Variants in AKIRIN2 observed in about 807,000 individuals in gnomAD.
AKIRIN2 encodes the protein akirin 2.
AKIRIN2 carries 6 observed loss-of-function variants against 29.3 expected under a neutral mutation model. The ratio of observed to expected loss-of-function variants is 0.20; its 90% CI spans 0.11 to 0.40. The LOEUF (loss-of-function observed/expected upper bound fraction) is 0.40. Ranked by LOEUF, AKIRIN2 falls within the 10% of genes least tolerant of loss-of-function variation. AKIRIN2 has a pLI of 1.00. For missense variants in AKIRIN2, 210 were observed against 276.1 expected, an observed-to-expected ratio of 0.76 and a Z score of 1.70; for synonymous variants, 128 against 117.5, an observed-to-expected ratio of 1.09 and a Z score of -0.58.
rs538178654 is a variant in AKIRIN2, at chr6:87,678,327, GC to G, written c.380-361del. On this transcript the variant is annotated intron_variant, in intron 2 of 4. Coordinates refer to ENST00000257787, the MANE Select transcript of AKIRIN2 (RefSeq NM_018064.4). Reference sequence around the variant, plus strand: ...AGCCTGGCCAACATGGTGAAACCCTGCCTCTACTAAAAATACATAAAAAAAT... The same window carrying G: ...AGCCTGGCCAACATGGTGAAACCCTGCTCTACTAAAAATACATAAAAAAAT... 6.2e-3 allele frequency among the ~76,000 whole-genome samples: 859 copies of G among 139,142 alleles called. 9 individuals are homozygous for G. Among genetic ancestry groups the G allele is most frequent in the African/African-American group, 0.023 (795 of 35,104 alleles). 91.3% of individuals were successfully genotyped at this position (139,142 alleles called of 152,430 possible). A position where few individuals can be genotyped will look rare whatever the true frequency, so the allele number is the denominator to read the frequency against.
chr6:87,679,998 C>G (rs1167420418), intron 2 of AKIRIN2, among the ~76,000 whole-genome samples: 1 of 152,210 alleles, frequency 6.6e-6, no homozygotes, highest in African/African-American at 2.4e-5. Context: ...GTGCATACCA[C>G]AATAACAAAG....
Position 87,675,587 on chromosome 6 carries a change from G to A in AKIRIN2, c.*10C>T, listed in dbSNP as rs762106719. 1 of 1,614,016 alleles carries A rather than the reference G, an allele frequency of 6.2e-7. No homozygotes were observed. The highest frequency in any genetic ancestry group is 1.7e-5 in the Admixed American group (1 of 60,006). The stretch of plus-strand genomic sequence containing the variant: ...GGAACAAGGCAGCCCACAAATGCAG[G>A]ATACGTGATTCATGAAACATCTAAA... On this transcript the variant is annotated 3_prime_UTR_variant, in exon 5 of 5. Transcript: ENST00000257787.
chr6:87,701,036 A>G (rs1039364813), intron 1 of AKIRIN2, among the ~76,000 whole-genome samples: 1 of 150,520 alleles, frequency 6.6e-6, no homozygotes, highest in Non-Finnish European at 1.5e-5. Flanking sequence ...AATAGCTGCA[A>G]CCAATCGATT....
At position 87,702,018 on chromosome 6, in the gene AKIRIN2, T is replaced by C. The variant is rs546467417; in HGVS notation, c.-334A>G. 7 of 404,082 alleles carry C rather than the reference T, an allele frequency of 1.7e-5. No individual in the cohort carries two copies. In the South Asian group the frequency reaches 6.4e-4, roughly 37 times the overall value. 25.0% of individuals were successfully genotyped at this position (404,082 alleles called of 1,614,324 possible). On this transcript the variant is annotated 5_prime_UTR_variant, in exon 1 of 5. Coordinates refer to ENST00000257787, the MANE Select transcript of AKIRIN2 (RefSeq NM_018064.4). ...GCCGCCCCCGCCGTCCGCTCGAGCT[T>C]TGCGCCGCGCCTGAGGCGCTTCTGT...
intron 1 of AKIRIN2, among the ~76,000 whole-genome samples, chr6:87,686,800 C>T (rs1262611933): frequency 2.6e-5 from 4 of 152,050 alleles, no homozygotes; most frequent in Non-Finnish European, 5.9e-5. Flanking sequence ...AATCCCAGCA[C>T]TTTGGAAGGC....
intron 1 of AKIRIN2, among the ~76,000 whole-genome samples, chr6:87,690,920 CGG>C (rs1226288494): frequency 6.6e-6 from 1 of 152,080 alleles, no homozygotes; most frequent in Non-Finnish European, 1.5e-5. Context: ...TTGCAGCGAG[CGG>C]AGACTGCACC....
chr6:87,680,477 T>C (rs191759766), intron 2 of AKIRIN2, among the ~76,000 whole-genome samples: 57 of 152,120 alleles, frequency 3.7e-4, no homozygotes, highest in African/African-American at 1.3e-3. Flanking sequence ...TTCACTGTGT[T>C]AGCCAGGATG....
chr6:87,676,596 A>AACACACGCATGCGCGCGCAC (rs1485678233), intron 3 of AKIRIN2, among the ~76,000 whole-genome samples: 7 of 142,146 alleles, frequency 4.9e-5, no homozygotes, highest in African/African-American at 1.9e-4. Flanking sequence ...CTCTACTAAA[A>AACACACGCATGCGCGCGCAC]ACACACACAC....
At chr6:87,691,440 TAAAAAAAAAAAAAA>T (rs34981397) in intron 1 of AKIRIN2, among the ~76,000 whole-genome samples, 1 of 84,830 alleles carries the variant, frequency 1.2e-5, no homozygotes, top group Non-Finnish European at 2.3e-5. Flanking sequence ...AACCTCATCT[TAAAAAAAAAAAAAA>T]AAAAAAAAAA....
At chr6:87,677,487 T>C (rs1181289251) in intron 3 of AKIRIN2, among the ~76,000 whole-genome samples, 1 of 152,196 alleles carries the variant, frequency 6.6e-6, no homozygotes, top group Non-Finnish European at 1.5e-5. Flanking sequence ...GCCAATTAGA[T>C]ATTTTAAATG....
intron 2 of AKIRIN2, 116 bp from the exon 3 acceptor site, chr6:87,678,083 A>C (rs1771054066): frequency 1.0e-6 from 1 of 977,054 alleles, no homozygotes; most frequent in East Asian, 2.8e-5. Flanking sequence ...GCATTTTAAA[A>C]TCAGATTTTA....
intron 1 of AKIRIN2, among the ~76,000 whole-genome samples, chr6:87,698,373 T>TA (rs1318677681): frequency 0.15 from 20,604 of 136,146 alleles, 2,049 homozygotes; most frequent in African/African-American, 0.3. Flanking sequence ...GAACAATACT[T>TA]AAAAAAAAAA....
rs1161827050 is a variant in AKIRIN2 at position 87,701,525 on chromosome 6, C to A, written c.160G>T (p.Ala54Ser). 2.1e-6 allele frequency: 3 copies of A among 1,446,240 alleles called. No individual in the cohort carries two copies. Among genetic ancestry groups the A allele is most frequent in the Non-Finnish European group, 2.7e-6 (3 of 1,100,420 alleles). 89.6% of individuals were successfully genotyped at this position (1,446,240 alleles called of 1,614,324 possible). Residue 54 changes from alanine (A) to serine (S), a missense_variant, in exon 1 of 5, where the codon GCG becomes TCG. Ala to Ser is a moderately conservative substitution (Grantham distance 99, BLOSUM62 1). Transcript: ENST00000257787. The stretch of plus-strand genomic sequence containing the variant: ...AGATACTTCTGCGGCGAGGCGGCCG[C>A]AGCGGAGAAGGAGGCGGCGGTGGCC... ...AAATAASFSA[A>S]AASPQKYLRM... is the part of the protein sequence containing the mutation.
At chr6:87,676,067 G>T (rs1770970277) in intron 3 of AKIRIN2, 136 bp from the exon 4 acceptor site, 1 of 658,572 alleles carries the variant, frequency 1.5e-6, no homozygotes, top group Non-Finnish European at 2.5e-6. Flanking sequence ...TACTAATAGT[G>T]TATCAAATAA....
At chr6:87,684,849 T>C (rs1446902197) in intron 1 of AKIRIN2, among the ~76,000 whole-genome samples, 3 of 152,194 alleles carry the variant, frequency 2.0e-5, no homozygotes, top group African/African-American at 7.2e-5. Context: ...GGTGGACATG[T>C]TTTCATTTCT....
In AKIRIN2 at chr6:87,702,078, C is replaced by T; in HGVS notation, c.-394G>A. ...AGATCCTTTCTGAAGTCGAAAACAG[C>T]ACCGTGGGGTGTGAGGCTGGAACGC... On this transcript the variant is annotated 5_prime_UTR_variant, in exon 1 of 5. Transcript: ENST00000257787. 2.5e-6 allele frequency: 1 copy of T among 399,386 alleles called. No individual in the cohort carries two copies. Among genetic ancestry groups the T allele is most frequent in the Non-Finnish European group, 4.4e-6 (1 of 226,326 alleles). 24.7% of individuals were successfully genotyped at this position (399,386 alleles called of 1,614,324 possible).
At position 87,701,843 on chromosome 6, in the gene AKIRIN2, C is replaced by T; in HGVS notation, c.-159G>A. The T allele has an allele frequency of 2.1e-6, 1 of 466,828 alleles. No individual in the cohort carries two copies. The allele number at this position is 466,828 out of a possible 1,614,324, so 28.9% of individuals were successfully genotyped here. A position where few individuals can be genotyped will look rare whatever the true frequency, so the allele number is the denominator to read the frequency against. ...GGAGCGCCGGCTGTGGAAAGGAGAG[C>T]CGCTGCCGCCGCTGCCTCCGCGGCA... On this transcript the variant is annotated 5_prime_UTR_variant, in exon 1 of 5. Transcript: ENST00000257787.
At chr6:87,694,094 A>T (rs1468534651) in intron 1 of AKIRIN2, among the ~76,000 whole-genome samples, 6 of 152,198 alleles carry the variant, frequency 3.9e-5, no homozygotes, top group African/African-American at 1.4e-4. Context: ...AAAATAAACA[A>T]AAGAAAAATC....
At chr6:87,690,319 T>C (rs1771258984) in intron 1 of AKIRIN2, among the ~76,000 whole-genome samples, 1 of 152,164 alleles carries the variant, frequency 6.6e-6, no homozygotes, top group African/African-American at 2.4e-5. Context: ...AGCAAGACAT[T>C]AGCAGCAAGG....
Sources: gnomAD v4.1 joint callset for allele counts (sites outside exome capture counted in the v4.1 genomes callset) on GRCh38, gnomAD v4.1.1 for gene constraint, MANE v1.5 for transcripts, NCBI Gene and HGNC (gene_info 2026-07-23, HGNC 2026-07-21) for gene names.